The following SCML4 variants were observed in gnomAD, a reference collection of about 807,000 sequenced individuals.
SCML4 encodes sex comb on midleg-like protein 4.
A neutral mutation model predicts 41.1 loss-of-function variants in SCML4; 34 were observed. The observed-to-expected ratio is 0.83, with a 90% confidence interval of 0.63 to 1.10. The LOEUF (loss-of-function observed/expected upper bound fraction) is 1.10, where lower values mean the gene tolerates loss of function less well. Among genes scored for constraint, SCML4 ranks in the 50% least tolerant of loss-of-function variants. SCML4 has a pLI of 0.00. For synonymous variants in SCML4, 214 were observed against 220.9 expected (o/e 0.97, Z 0.28); for missense variants, 522 against 534.1 (o/e 0.98, Z 0.22).
chr6:107,807,001 G>A (rs1460922673), intron 1 of SCML4, among the ~76,000 whole-genome samples: 1 of 152,004 alleles, frequency 6.6e-6, no homozygotes, highest in Non-Finnish European at 1.5e-5. Flanking sequence ...GTAGGGAGAG[G>A]AGGGAAATTT....
upstream of SCML4, among the ~76,000 whole-genome samples, chr6:107,825,335 G>A (rs1459313250): frequency 1.3e-5 from 2 of 152,160 alleles, no homozygotes; most frequent in East Asian, 3.8e-4. Context: ...CGAAGGCTTA[G>A]GCCACAACCT....
At chr6:107,721,439 C>T (rs1435488484) in intron 5 of SCML4, among the ~76,000 whole-genome samples, 1 of 151,948 alleles carries the variant, frequency 6.6e-6, no homozygotes, top group Non-Finnish European at 1.5e-5. Context: ...GTGGCAGGCA[C>T]CTGTAATCCC....
intron 2 of SCML4, among the ~76,000 whole-genome samples, chr6:107,760,331 G>T (rs1336517399): frequency 6.6e-6 from 1 of 152,112 alleles, no homozygotes; most frequent in Non-Finnish European, 1.5e-5. Context: ...TGTAATCTGG[G>T]CCATGGGCAT....
At chr6:107,790,723 C>T (rs1047038397) in intron 1 of SCML4, among the ~76,000 whole-genome samples, 6 of 152,112 alleles carry the variant, frequency 3.9e-5, no homozygotes, top group East Asian at 1.9e-4. Flanking sequence ...AATGGCCAGA[C>T]GAGGACAACC....
intron 5 of SCML4, chr6:107,739,956 C>A: frequency 2.8e-6 from 1 of 360,564 alleles, no homozygotes; most frequent in Non-Finnish European, 5.4e-6. Flanking sequence ...AAGCAAAATT[C>A]ACAGCACTCA....
chr6:107,708,895 C>T (rs1773957196), intron 6 of SCML4, among the ~76,000 whole-genome samples: 1 of 152,146 alleles, frequency 6.6e-6, no homozygotes, highest in Admixed American at 6.5e-5. Context: ...ACTAATTCAT[C>T]CTCTTTCCCT....
At chr6:107,791,648 T>C (rs1782339886) in intron 1 of SCML4, among the ~76,000 whole-genome samples, 1 of 152,192 alleles carries the variant, frequency 6.6e-6, no homozygotes, top group Non-Finnish European at 1.5e-5. Context: ...AGCAAATTAC[T>C]GTACTTTAAA....
In SCML4 at chr6:107,817,700, T is replaced by G. The variant is rs1356017458; in HGVS notation, c.-60+6426A>C. Among the ~76,000 whole-genome samples, 6 of 152,054 alleles carry G rather than the reference T, an allele frequency of 3.9e-5. No homozygotes were observed. In the East Asian group the frequency reaches 1.2e-3, roughly 29 times the overall value. ...ACTATCAGATCACTTTTAGTTAATTTATTCTTCTTTACTGGGTTCATGCCA... is the reference window on the plus strand; with the variant it reads ...ACTATCAGATCACTTTTAGTTAATTGATTCTTCTTTACTGGGTTCATGCCA... On this transcript the variant is annotated intron_variant, in intron 1 of 7. Transcript: ENST00000369020.
At chr6:107,798,681 C>T (rs1782886555) in intron 1 of SCML4, among the ~76,000 whole-genome samples, 1 of 151,916 alleles carries the variant, frequency 6.6e-6, no homozygotes, top group Admixed American at 6.6e-5. Context: ...AGGTAGAAGC[C>T]TAAATAATTG....
intron 5 of SCML4, among the ~76,000 whole-genome samples, chr6:107,721,505 C>T (rs1775411158): frequency 4.1e-5 from 6 of 147,508 alleles, no homozygotes; most frequent in Admixed American, 3.4e-4. Flanking sequence ...GCAGAGGTTG[C>T]AGAGCAAAAC....
chr6:107,733,833 T>C (rs2114457949), intron 5 of SCML4, among the ~76,000 whole-genome samples: 2 of 152,322 alleles, frequency 1.3e-5, no homozygotes, highest in South Asian at 4.1e-4. Flanking sequence ...CCGGACCTAC[T>C]CTTCTGTCAG....
chr6:107,810,416 T>C (rs1485830613), intron 1 of SCML4, among the ~76,000 whole-genome samples: 1 of 152,112 alleles, frequency 6.6e-6, no homozygotes, highest in African/African-American at 2.4e-5. Flanking sequence ...TGCACCACTG[T>C]GGGCAGGAAA....
chr6:107,810,321 A>G (rs568982065), intron 1 of SCML4, among the ~76,000 whole-genome samples: 122 of 152,198 alleles, frequency 8.0e-4, no homozygotes, highest in Non-Finnish European at 1.5e-3. Context: ...GAATGCCACC[A>G]GCAAAGCCCC....
intron 4 of SCML4, 48 bp from the exon 5 acceptor site, chr6:107,745,191 C>A: frequency 7.2e-7 from 1 of 1,393,476 alleles, no homozygotes; most frequent in Non-Finnish European, 9.7e-7. Context: ...CTGGAGAAAA[C>A]CGCAAGTCAA....
chr6:107,726,220 G>A (rs1775952168), intron 5 of SCML4, among the ~76,000 whole-genome samples: 1 of 151,616 alleles, frequency 6.6e-6, no homozygotes, highest in African/African-American at 2.4e-5. Flanking sequence ...CCTGTGTAAG[G>A]GACTAGACTG....
chr6:107,840,674 C>T, the SCML4 span, among the ~76,000 whole-genome samples: 2 of 152,018 alleles, frequency 1.3e-5, no homozygotes, highest in Admixed American at 6.6e-5. Context: ...AATTAAGTAG[C>T]GAACAGGGAC....
chr6:107,762,396 T>C (rs1479016814), intron 2 of SCML4, among the ~76,000 whole-genome samples: 2 of 152,184 alleles, frequency 1.3e-5, no homozygotes, highest in Non-Finnish European at 2.9e-5. Context: ...AAAATACGAT[T>C]GGACTAAACA....
chr6:107,829,892 T>C, the SCML4 span, among the ~76,000 whole-genome samples: 1 of 152,190 alleles, frequency 6.6e-6, no homozygotes, highest in Admixed American at 6.5e-5. Flanking sequence ...ATGTTAAGTC[T>C]CAAATTTCAT....
At chr6:107,823,289 G>A (rs1785081278) in intron 1 of SCML4, among the ~76,000 whole-genome samples, 1 of 152,122 alleles carries the variant, frequency 6.6e-6, no homozygotes, top group Non-Finnish European at 1.5e-5. Context: ...AAAGAACTTT[G>A]ACTCAAGCAC....
Sources: gnomAD v4.1 joint callset for allele counts (sites outside exome capture counted in the v4.1 genomes callset) on GRCh38, gnomAD v4.1.1 for gene constraint, MANE v1.5 for transcripts, NCBI Gene and HGNC (gene_info 2026-07-23, HGNC 2026-07-21) for gene names.